RUNDC3B: variants seen among roughly 807,000 people sequenced by gnomAD.
The protein encoded by RUNDC3B is RUN domain containing 3B.
RUNDC3B carries 33 observed loss-of-function variants against 58.4 expected under a neutral mutation model. The ratio of observed to expected loss-of-function variants is 0.56; its 90% CI spans 0.43 to 0.75. The LOEUF is 0.75. Among genes scored for constraint, RUNDC3B ranks in the 30% least tolerant of loss-of-function variants. RUNDC3B has a pLI of 0.00. For synonymous variants in RUNDC3B, 193 were observed against 195.2 expected (o/e 0.99, Z 0.10); for missense variants, 501 against 535.7 (o/e 0.94, Z 0.64).
intron 4 of RUNDC3B, among the ~76,000 whole-genome samples, chr7:87,720,007 G>GAAAAA (rs1830778094): frequency 7.9e-6 from 1 of 127,216 alleles, no homozygotes; most frequent in African/African-American, 3.0e-5. Flanking sequence ...AAAAAAAAAA[G>GAAAAA]AGAAAGAAAA....
intron 2 of RUNDC3B, among the ~76,000 whole-genome samples, chr7:87,688,789 G>A (rs1827729673): frequency 6.6e-6 from 1 of 151,838 alleles, no homozygotes; most frequent in Non-Finnish European, 1.5e-5. Flanking sequence ...TTCTGTTTGA[G>A]TCATATTATT....
At chr7:87,661,499 A>G (rs1228193465) in intron 2 of RUNDC3B, among the ~76,000 whole-genome samples, 1 of 151,670 alleles carries the variant, frequency 6.6e-6, no homozygotes, top group African/African-American at 2.4e-5. Flanking sequence ...TAGTTCCCAC[A>G]AATAAGTGAA....
intron 1 of RUNDC3B, 56 bp downstream of exon 1, chr7:87,629,001 G>A (rs1820910168): frequency 1.5e-6 from 2 of 1,290,986 alleles, no homozygotes; most frequent in Non-Finnish European, 2.0e-6. Flanking sequence ...AGAGCTCTGG[G>A]CTTCCGCGCG....
At chr7:87,632,918 A>G (rs1372662186) in intron 1 of RUNDC3B, among the ~76,000 whole-genome samples, 1 of 152,226 alleles carries the variant, frequency 6.6e-6, no homozygotes, top group Non-Finnish European at 1.5e-5. Context: ...ATGCAAAGTC[A>G]TAATTTTCCT....
Position 87,831,329 on chromosome 7 carries a change from C to T in RUNDC3B, c.*1299C>T, listed in dbSNP as rs951202785. 1.3e-5 allele frequency: 2 copies of T among 151,710 alleles called. No individual in the cohort carries two copies. The highest frequency in any genetic ancestry group is 3.0e-5 in the Non-Finnish European group (2 of 67,796). The allele number at this position is 151,710 out of a possible 1,614,324, so 9.4% of individuals were successfully genotyped here. A position where few individuals can be genotyped will look rare whatever the true frequency, so the allele number is the denominator to read the frequency against. On this transcript the variant is annotated 3_prime_UTR_variant, in exon 11 of 11. Transcript: ENST00000394654. ...ATTATTGAGAAAAGAGCTGAGGTTA[C>T]CACATTCATTCTTTGTGTTAGAAAT...
At chr7:87,629,080 C>A (rs953783009) in intron 1 of RUNDC3B, 135 bp downstream of exon 1, 3 of 854,900 alleles carry the variant, frequency 3.5e-6, no homozygotes, top group African/African-American at 3.5e-5. Context: ...CCAGCCAAAT[C>A]TGTGAGCGCG....
At chr7:87,639,052 T>C (rs889502602) in intron 1 of RUNDC3B, among the ~76,000 whole-genome samples, 2 of 147,874 alleles carry the variant, frequency 1.4e-5, no homozygotes, top group Admixed American at 1.4e-4. Flanking sequence ...CTCCGGAGGC[T>C]GAGGCAGGAG....
intron 3 of RUNDC3B, among the ~76,000 whole-genome samples, chr7:87,702,264 G>GTTTTA (rs575267106): frequency 6.1e-4 from 87 of 143,292 alleles, no homozygotes; most frequent in South Asian, 2.9e-3. Flanking sequence ...TGGGTTTATT[G>GTTTTA]TTTTATTTTA....
At chr7:87,822,656 A>T (rs1249202556) in intron 10 of RUNDC3B, among the ~76,000 whole-genome samples, 2 of 152,198 alleles carry the variant, frequency 1.3e-5, no homozygotes, top group African/African-American at 2.4e-5. Context: ...CAACAACAAT[A>T]GACTGGATTA....
intron 4 of RUNDC3B, among the ~76,000 whole-genome samples, chr7:87,732,432 A>G (rs372618632): frequency 1.5e-4 from 23 of 152,184 alleles, no homozygotes; most frequent in African/African-American, 5.3e-4. Context: ...GAAAAAGCGT[A>G]CTTGGAGACC....
intron 6 of RUNDC3B, among the ~76,000 whole-genome samples, chr7:87,741,922 A>AT (rs1383551703): frequency 1.3e-5 from 2 of 152,076 alleles, no homozygotes; most frequent in Non-Finnish European, 2.9e-5. Flanking sequence ...ATTGTTTTCC[A>AT]TTTTTTCTCA....
chr7:87,820,510 AAG>A (rs924572991), intron 10 of RUNDC3B, among the ~76,000 whole-genome samples: 2 of 152,174 alleles, frequency 1.3e-5, no homozygotes, highest in African/African-American at 4.8e-5. Flanking sequence ...TCAATAGAAA[AAG>A]AGAGAATCCT....
intron 1 of RUNDC3B, among the ~76,000 whole-genome samples, chr7:87,646,121 G>T (rs992917245): frequency 2.0e-5 from 3 of 152,108 alleles, no homozygotes; most frequent in Admixed American, 2.0e-4. Context: ...GTAATTTAGT[G>T]CTCTGATATT....
intron 10 of RUNDC3B, among the ~76,000 whole-genome samples, 171 bp downstream of exon 10, chr7:87,816,433 G>T (rs10235853): frequency 0.73 from 110,222 of 151,298 alleles, 40,862 homozygotes; most frequent in African/African-American, 0.86. Flanking sequence ...TGTGTGTGTG[G>T]GGGGGGCTAA....
intron 2 of RUNDC3B, among the ~76,000 whole-genome samples, chr7:87,651,214 A>G (rs1823536590): frequency 6.6e-6 from 1 of 152,190 alleles, no homozygotes; most frequent in Non-Finnish European, 1.5e-5. Context: ...AAGGAAGCGC[A>G]TCCCAAAGGT....
chr7:87,815,065 G>A (rs1478825413), intron 9 of RUNDC3B, among the ~76,000 whole-genome samples: 3 of 151,952 alleles, frequency 2.0e-5, no homozygotes, highest in Non-Finnish European at 4.4e-5. Context: ...TTGTTATTCA[G>A]TTACTAAAGT....
intron 6 of RUNDC3B, among the ~76,000 whole-genome samples, chr7:87,757,883 G>A (rs1371482081): frequency 6.6e-6 from 1 of 152,112 alleles, no homozygotes; most frequent in Admixed American, 6.6e-5. Flanking sequence ...TTCTAGAGAG[G>A]TCAAGAATAT....
intron 8 of RUNDC3B, among the ~76,000 whole-genome samples, chr7:87,805,867 A>G (rs1209389980): frequency 2.0e-5 from 3 of 152,188 alleles, no homozygotes; most frequent in South Asian, 4.1e-4. Context: ...AGAGAATCCA[A>G]AATAATGGTG....
chr7:87,711,283 GCC>G (rs1830060405), intron 4 of RUNDC3B, among the ~76,000 whole-genome samples: 1 of 147,970 alleles, frequency 6.8e-6, no homozygotes, highest in African/African-American at 2.7e-5. Context: ...CCGAGATTGA[GCC>G]ATTGCACCGC....
Sources: gnomAD v4.1 joint callset for allele counts (sites outside exome capture counted in the v4.1 genomes callset) on GRCh38, gnomAD v4.1.1 for gene constraint, MANE v1.5 for transcripts, NCBI Gene and HGNC (gene_info 2026-07-23, HGNC 2026-07-21) for gene names.